Variants in GPR149 observed in about 807,000 individuals in gnomAD.
The protein encoded by GPR149 is G protein-coupled receptor 149, also known as probable G protein-coupled receptor 149.
A neutral mutation model predicts 50.2 loss-of-function variants in GPR149; 50 were observed. That is an observed-to-expected ratio of 1.00 (90% CI 0.79 to 1.26). The LOEUF (loss-of-function observed/expected upper bound fraction) is 1.26, where lower values mean the gene tolerates loss of function less well. Among genes scored for constraint, GPR149 ranks in the 50% most tolerant of loss-of-function variants. The probability of loss-of-function intolerance (pLI) is 0.00; values close to 1 mark genes in which losing one functional copy is unlikely to be tolerated. For missense variants in GPR149, 983 were observed against 895.4 expected, an observed-to-expected ratio of 1.10 and a Z score of -1.25; for synonymous variants, 405 against 358.2, an observed-to-expected ratio of 1.13 and a Z score of -1.48.
intron 2 of GPR149, among the ~76,000 whole-genome samples, chr3:154,422,647 A>G (rs1488824596): frequency 4.0e-5 from 6 of 151,826 alleles, no homozygotes. Context: ...TTATAAACCA[A>G]TTCTGTTGAC....
chr3:154,401,963 T>TA (rs146260398), intron 3 of GPR149, among the ~76,000 whole-genome samples: 14,737 of 152,238 alleles, frequency 0.097, 810 homozygotes, highest in East Asian at 0.23. Flanking sequence ...TTCTTGCAGC[T>TA]AATGCCATCA....
At chr3:154,419,557 G>T (rs1371489000) in intron 3 of GPR149, among the ~76,000 whole-genome samples, 1 of 151,958 alleles carries the variant, frequency 6.6e-6, no homozygotes, top group Non-Finnish European at 1.5e-5. Flanking sequence ...AAACAATATA[G>T]TATGTTAGAA....
At chr3:154,406,679 C>T (rs567149320) in intron 3 of GPR149, among the ~76,000 whole-genome samples, 1 of 152,188 alleles carries the variant, frequency 6.6e-6, no homozygotes, top group Non-Finnish European at 1.5e-5. Flanking sequence ...TATAAGAAGA[C>T]AAACATGTAT....
intron 2 of GPR149, among the ~76,000 whole-genome samples, chr3:154,423,948 A>C (rs1195076530): frequency 6.6e-6 from 1 of 151,900 alleles, no homozygotes. Flanking sequence ...TGCTGCACCC[A>C]TTAACTCGTC....
intron 3 of GPR149, among the ~76,000 whole-genome samples, chr3:154,397,169 C>A (rs1255889183): frequency 6.6e-6 from 1 of 152,096 alleles, no homozygotes; most frequent in Admixed American, 6.6e-5. Context: ...GAAGACCAGA[C>A]ACCTAAACCA....
chr3:154,376,690 G>C (rs915491237), intron 3 of GPR149, among the ~76,000 whole-genome samples: 1 of 152,128 alleles, frequency 6.6e-6, no homozygotes, highest in East Asian at 1.9e-4. Flanking sequence ...TTTCTGTTTT[G>C]GAGAGCTTTA....
rs755044050 is a variant in GPR149, at chr3:154,428,772, CA to C, written c.843del (p.Ala282ProfsTer23). 5 of 1,613,842 alleles carry C rather than the reference CA, an allele frequency of 3.1e-6. No homozygotes were observed. Among genetic ancestry groups the C allele is most frequent in the East Asian group, 4.5e-5 (2 of 44,856 alleles). On this transcript the variant is annotated frameshift_variant, in exon 1 of 4. Transcript: ENST00000389740. LOFTEE classifies it high-confidence loss of function. ...CGCCTGCAGGCTTCAGCCCCAGCGGCAGCGGGCGCACCCGGTCCGAACACGG... is the reference window on the plus strand; with the variant it reads ...CGCCTGCAGGCTTCAGCCCCAGCGGCGCGGGCGCACCCGGTCCGAACACGG... The part of the protein sequence containing the change: ...SDTVFGPGAP[A>X]AAGAEACRRE...
intron 2 of GPR149, among the ~76,000 whole-genome samples, chr3:154,425,776 T>C (rs1326793832): frequency 6.6e-6 from 1 of 152,128 alleles, no homozygotes; most frequent in African/African-American, 2.4e-5. Context: ...GTGATATGAG[T>C]GTGACTGTTG....
chr3:154,423,977 T>G (rs1054976722), intron 2 of GPR149, among the ~76,000 whole-genome samples: 1 of 151,900 alleles, frequency 6.6e-6, no homozygotes, highest in Admixed American at 6.6e-5. Context: ...TAGGTATATC[T>G]CCTATGCTTT....
chr3:154,388,201 A>T (rs1715089067), intron 3 of GPR149, among the ~76,000 whole-genome samples: 1 of 152,174 alleles, frequency 6.6e-6, no homozygotes, highest in Admixed American at 6.5e-5. Context: ...GTTACCTTAC[A>T]TTTATAGTGC....
At chr3:154,353,167 C>T in intron 3 of GPR149, 1 of 1,526,900 alleles carries the variant, frequency 6.5e-7, no homozygotes, top group Non-Finnish European at 9.1e-7. Context: ...ATAGCCCTCC[C>T]TTCAGACCCA....
intron 3 of GPR149, among the ~76,000 whole-genome samples, chr3:154,366,936 TG>T (rs1159883772): frequency 2.0e-5 from 3 of 152,254 alleles, no homozygotes; most frequent in Admixed American, 6.5e-5. Flanking sequence ...TTGCAGAGTT[TG>T]GTTTTATTGT....
chr3:154,399,102 C>T (rs1300614101), intron 3 of GPR149, among the ~76,000 whole-genome samples: 1 of 152,054 alleles, frequency 6.6e-6, no homozygotes, highest in African/African-American at 2.4e-5. Context: ...TGCTGGGATC[C>T]TCATTTGGTT....
At chr3:154,411,557 G>T (rs569149808) in intron 3 of GPR149, among the ~76,000 whole-genome samples, 1 of 151,956 alleles carries the variant, frequency 6.6e-6, no homozygotes, top group African/African-American at 2.4e-5. Context: ...ATTATTCAAG[G>T]CTACTGTGAA....
intron 3 of GPR149, among the ~76,000 whole-genome samples, chr3:154,361,207 A>G (rs902398180): frequency 8.5e-5 from 13 of 152,182 alleles, no homozygotes; most frequent in African/African-American, 3.1e-4. Context: ...AATCTCAAAT[A>G]AAAAGAATGC....
At chr3:154,424,464 T>C (rs564374579) in intron 2 of GPR149, among the ~76,000 whole-genome samples, 1 of 151,990 alleles carries the variant, frequency 6.6e-6, no homozygotes, top group African/African-American at 2.4e-5. Context: ...ATAATATTGA[T>C]TTATTTATAG....
In GPR149 at chr3:154,370,877, TG is replaced by T. The variant is rs1295899854; in HGVS notation, c.1624-32607del. Among the ~76,000 whole-genome samples, 3 of 152,226 alleles carry T rather than the reference TG, an allele frequency of 2.0e-5. No individual in the cohort carries two copies. The East Asian group carries it at 5.8e-4, about 29-fold the overall frequency. ...TTCTTTTCACATGCCTTTCTTGTTA[TG>T]CCCAAAAGTCCCACACCCTTATTAG... On this transcript the variant is annotated intron_variant, in intron 3 of 3. Coordinates refer to ENST00000389740, the MANE Select transcript of GPR149 (RefSeq NM_001038705.3).
At chr3:154,409,850 C>A (rs959038447) in intron 3 of GPR149, among the ~76,000 whole-genome samples, 3 of 152,148 alleles carry the variant, frequency 2.0e-5, no homozygotes, top group African/African-American at 7.2e-5. Context: ...TGCTAGACAT[C>A]TGGACATCCA....
chr3:154,428,280 G>GA (rs1366002966), intron 1 of GPR149, among the ~76,000 whole-genome samples: 4 of 152,256 alleles, frequency 2.6e-5, no homozygotes, highest in South Asian at 2.1e-4. Flanking sequence ...AGGTTGTGGG[G>GA]AAAAAACCTT....
Sources: gnomAD v4.1 joint callset for allele counts (sites outside exome capture counted in the v4.1 genomes callset) on GRCh38, gnomAD v4.1.1 for gene constraint, MANE v1.5 for transcripts, NCBI Gene and HGNC (gene_info 2026-07-23, HGNC 2026-07-21) for gene names.